CLVS1: variants seen among roughly 807,000 people sequenced by gnomAD.
CLVS1 encodes the protein clavesin 1.
Under a neutral mutation model 33.1 loss-of-function variants are expected in CLVS1, and 10 were observed. The ratio of observed to expected loss-of-function variants is 0.30; its 90% confidence interval spans 0.19 to 0.51. The LOEUF (loss-of-function observed/expected upper bound fraction) is 0.51, where lower values mean the gene tolerates loss of function less well. Ranked by LOEUF, CLVS1 falls within the 20% of genes least tolerant of loss-of-function variation. The pLI is 0.97. For synonymous variants in CLVS1, 163 were observed against 166.1 expected (o/e 0.98, Z 0.14); for missense variants, 343 against 433.4 (o/e 0.79, Z 1.85).
chr8:61,239,697 A>G (rs914710872), intron 2 of CLVS1, among the ~76,000 whole-genome samples: 6 of 152,292 alleles, frequency 3.9e-5, no homozygotes, highest in African/African-American at 1.4e-4. Flanking sequence ...AGATTACACC[A>G]CTGCACTCCA....
At chr8:61,028,153 T>C in the CLVS1 span, among the ~76,000 whole-genome samples, 2 of 152,174 alleles carry the variant, frequency 1.3e-5, no homozygotes, top group Non-Finnish European at 2.9e-5. Flanking sequence ...GAGGTATTGA[T>C]TAGACAAATC....
intron 2 of CLVS1, among the ~76,000 whole-genome samples, chr8:61,232,911 A>C (rs1808477261): frequency 6.6e-6 from 1 of 152,220 alleles, no homozygotes; most frequent in African/African-American, 2.4e-5. Context: ...GATGTTTGGA[A>C]TTTTCTTCAC....
chr8:61,377,685 G>T (rs1024375470), intron 3 of CLVS1: 3 of 152,140 alleles, frequency 2.0e-5, no homozygotes, highest in Non-Finnish European at 2.9e-5. Flanking sequence ...GCAATAATTG[G>T]TGGGTCTGTT....
At chr8:61,455,604 T>G (rs181348324) in intron 4 of CLVS1, among the ~76,000 whole-genome samples, 1 of 152,326 alleles carries the variant, frequency 6.6e-6, no homozygotes, top group African/African-American at 2.4e-5. Context: ...TAATGGACAC[T>G]TAGGTTGTAT....
At chr8:61,165,794 T>C (rs1365486844) in intron 2 of CLVS1, among the ~76,000 whole-genome samples, 3 of 152,352 alleles carry the variant, frequency 2.0e-5, no homozygotes, top group African/African-American at 7.2e-5. Flanking sequence ...TGGTCACTCA[T>C]ATTTGGCTCA....
intron 2 of CLVS1, among the ~76,000 whole-genome samples, chr8:61,183,788 C>A (rs1807287757): frequency 1.3e-5 from 2 of 152,152 alleles, no homozygotes; most frequent in Non-Finnish European, 2.9e-5. Context: ...TACTCCCCCA[C>A]CCCGAATGAG....
In CLVS1 at chr8:61,433,716, C is replaced by T. The variant is rs529058228; in HGVS notation, c.631-20425C>T. Among the ~76,000 whole-genome samples, 445 of 151,968 alleles carry T rather than the reference C, an allele frequency of 2.9e-3. 6 individuals are homozygous for T. The highest frequency in any genetic ancestry group is 0.028 in the South Asian group (136 of 4,798). Reference sequence around the variant, plus strand: ...GGGCAAGTAGAAGTTGGAAATGGGACGAGCCTGGCCAACATGGTGAAACCC... The same window carrying T: ...GGGCAAGTAGAAGTTGGAAATGGGATGAGCCTGGCCAACATGGTGAAACCC... On this transcript the variant is annotated intron_variant, in intron 3 of 5. Transcript: ENST00000325897.
At chr8:61,043,986 G>A in the CLVS1 span, among the ~76,000 whole-genome samples, 1 of 152,188 alleles carries the variant, frequency 6.6e-6, no homozygotes, top group Non-Finnish European at 1.5e-5. Context: ...ATGCATAATT[G>A]TTAGCTCTTT....
chr8:61,488,469 A>G (rs926999848), intron 5 of CLVS1, among the ~76,000 whole-genome samples: 21 of 151,916 alleles, frequency 1.4e-4, no homozygotes, highest in African/African-American at 4.8e-4. Context: ...CTCCATATCT[A>G]TTTTCTCAGT....
At chr8:61,326,036 C>T (rs1162155673) in intron 2 of CLVS1, among the ~76,000 whole-genome samples, 1 of 152,154 alleles carries the variant, frequency 6.6e-6, no homozygotes, top group Non-Finnish European at 1.5e-5. Context: ...ACACGAGTTG[C>T]CTTTCCCCAG....
intron 2 of CLVS1, among the ~76,000 whole-genome samples, chr8:61,185,321 T>G (rs1353383256): frequency 6.6e-6 from 1 of 151,138 alleles, no homozygotes; most frequent in African/African-American, 2.4e-5. Context: ...TTTTTTTTTT[T>G]TTTGCATTTT....
chr8:61,452,389 T>C (rs1394549636), intron 3 of CLVS1, among the ~76,000 whole-genome samples: 1 of 152,218 alleles, frequency 6.6e-6, no homozygotes, highest in African/African-American at 2.4e-5. Flanking sequence ...TATAAATAAA[T>C]GCTTGTTTCT....
intron 1 of CLVS1, among the ~76,000 whole-genome samples, chr8:61,120,972 C>T (rs1563410706): frequency 5.3e-5 from 8 of 150,030 alleles, no homozygotes; most frequent in Admixed American, 4.6e-4. Context: ...CTCCCCCAGC[C>T]TCGCTGCCGC....
chr8:61,361,130 A>T (rs1428091473), intron 2 of CLVS1, among the ~76,000 whole-genome samples: 1 of 152,122 alleles, frequency 6.6e-6, no homozygotes, highest in Non-Finnish European at 1.5e-5. Flanking sequence ...TATCACCAGG[A>T]CACCACCAAG....
chr8:61,152,717 A>G (rs1422395462), intron 2 of CLVS1, among the ~76,000 whole-genome samples: 1 of 152,102 alleles, frequency 6.6e-6, no homozygotes, highest in Non-Finnish European at 1.5e-5. Context: ...TGCATTGGGG[A>G]TTACATTTTA....
chr8:61,011,738 T>G, the CLVS1 span, among the ~76,000 whole-genome samples: 79 of 152,310 alleles, frequency 5.2e-4, no homozygotes, highest in African/African-American at 1.8e-3. Context: ...TGAACCACCT[T>G]GCCCAGCCCA....
intron 2 of CLVS1, among the ~76,000 whole-genome samples, chr8:61,152,074 G>C (rs1028369444): frequency 6.6e-6 from 1 of 152,016 alleles, no homozygotes; most frequent in Non-Finnish European, 1.5e-5. Flanking sequence ...CTATCTATAT[G>C]TCTTAGCTCA....
chr8:61,273,974 G>A (rs557052613), intron 2 of CLVS1: 48 of 159,174 alleles, frequency 3.0e-4, no homozygotes, highest in Middle Eastern at 5.6e-3. Context: ...GCTGGGAGCT[G>A]TAGACCGGAG....
At chr8:61,171,875 C>T (rs1479508054) in intron 2 of CLVS1, among the ~76,000 whole-genome samples, 1 of 152,148 alleles carries the variant, frequency 6.6e-6, no homozygotes. Context: ...AGTCAGGTTA[C>T]TGTGGTGTGG....
Sources: allele counts gnomAD v4.1 joint callset (sites outside exome capture counted in the v4.1 genomes callset), GRCh38; gene constraint gnomAD v4.1.1; transcripts MANE v1.5; gene names NCBI Gene and HGNC (gene_info 2026-07-23, HGNC 2026-07-21).